Variants in ZNF527 observed in about 807,000 individuals in gnomAD.
ZNF527 encodes the protein zinc finger protein 527.
In ZNF527, 5 loss-of-function variants were observed where a neutral mutation model predicts 13.5. The observed-to-expected ratio is 0.37, with a 90% CI of 0.19 to 0.78. The LOEUF is 0.78. Among genes scored for constraint, ZNF527 ranks in the 30% least tolerant of loss-of-function variants. The probability of loss-of-function intolerance (pLI) is 0.48; values close to 1 mark genes in which losing one functional copy is unlikely to be tolerated. For missense variants in ZNF527, 628 were observed against 726.4 expected (o/e 0.86, Z 1.56); for synonymous variants, 209 against 243.1 (o/e 0.86, Z 1.30).
At chr19:37,377,359 T>G (rs1210685270) in intron 2 of ZNF527, among the ~76,000 whole-genome samples, 1 of 152,048 alleles carries the variant, frequency 6.6e-6, no homozygotes, top group South Asian at 2.1e-4. Flanking sequence ...TAAGTACATA[T>G]GGTGGCTGGA....
chr19:37,378,397 C>T (rs1312267460), intron 2 of ZNF527, among the ~76,000 whole-genome samples: 1 of 152,104 alleles, frequency 6.6e-6, no homozygotes, highest in Non-Finnish European at 1.5e-5. Context: ...CATTTTTAAG[C>T]ACTGAATACT....
intron 4 of ZNF527, among the ~76,000 whole-genome samples, chr19:37,386,285 A>G (rs1226799440): frequency 6.6e-6 from 1 of 150,842 alleles, no homozygotes; most frequent in Non-Finnish European, 1.5e-5. Context: ...GGGATTATAG[A>G]TGTGAGCCAC....
chr19:37,372,511 C>T (rs2040567722), intron 1 of ZNF527, among the ~76,000 whole-genome samples: 1 of 109,418 alleles, frequency 9.1e-6, no homozygotes, highest in African/African-American at 3.8e-5. Context: ...CTTGCTCTGT[C>T]CTGTAGGCTA....
In ZNF527 at chr19:37,389,818, A is replaced by C; in HGVS notation, c.1769A>C (p.Asn590Thr). ...KPYKCNECGN[N>T]FSCVSALRRH... The stretch of plus-strand genomic sequence containing the variant: ...TATAAATGTAACGAATGTGGGAATA[A>C]TTTTAGCTGTGTCTCAGCCCTTAGA... Residue 590 changes from asparagine (N) to threonine (T), a missense_variant, in exon 5 of 5, where the codon AAT (asparagine) becomes ACT (threonine). This residue lies in a region of ZNF527 where 592 missense variants were observed against 678.0 expected (regional missense o/e 0.87). Transcript: ENST00000436120. 1 of 1,613,152 alleles carries C rather than the reference A, an allele frequency of 6.2e-7. No homozygotes were observed. Among genetic ancestry groups the C allele is most frequent in the Non-Finnish European group, 8.5e-7 (1 of 1,179,950 alleles).
In ZNF527 at chr19:37,392,041, A is replaced by G. The variant is rs1600275503; in HGVS notation, c.*2162A>G. 6.6e-6 allele frequency: 1 copy of G among 152,330 alleles called. No individual in the cohort carries two copies. Among genetic ancestry groups the G allele is most frequent in the East Asian group, 1.9e-4 (1 of 5,188 alleles). The allele number at this position is 152,330 out of a possible 1,614,324, so 9.4% of individuals were successfully genotyped here. ...TTATTTCTAATAAAATCTGAAAATT[A>G]TTTTTCATAAATATTCAAATTCCCT... On this transcript the variant is annotated 3_prime_UTR_variant, in exon 5 of 5. Transcript: ENST00000436120.
Position 37,389,779 on chromosome 19 carries a change from C to T in ZNF527, c.1730C>T (p.Ala577Val). The change falls in exon 5 of 5, where the codon GCT (alanine) becomes GTT (valine). Residue 577 changes from alanine (A) to valine (V), a missense_variant. Ala to Val is a moderately conservative substitution (Grantham distance 64). Around this residue, in one of 3 missense-constraint regions of ZNF527, gnomAD observed 592 missense variants for 678.0 expected, o/e 0.87. Coordinates refer to ENST00000436120, the MANE Select transcript of ZNF527 (RefSeq NM_032453.2). Reference protein sequence around the residue: ...LSLRLHQRIHAGEKPYKCNEC... With the variant: ...LSLRLHQRIHVGEKPYKCNEC... ...CTAAGACTACACCAGAGAATTCACG[C>T]TGGAGAAAAACCTTATAAATGTAAC... 6.2e-7 allele frequency: 1 copy of T among 1,613,622 alleles called. No homozygotes were observed. The highest frequency in any genetic ancestry group is 8.5e-7 in the Non-Finnish European group (1 of 1,180,018).
chr19:37,384,647 C>T (rs980901315), intron 4 of ZNF527, among the ~76,000 whole-genome samples: 3 of 152,184 alleles, frequency 2.0e-5, no homozygotes, highest in Non-Finnish European at 4.4e-5. Context: ...CTGAGAATGG[C>T]ATTTCCTTCC....
At chr19:37,374,270 C>A in intron 2 of ZNF527, 39 bp downstream of exon 2, 1 of 1,611,338 alleles carries the variant, frequency 6.2e-7, no homozygotes, top group South Asian at 1.1e-5. Flanking sequence ...GACATTTGAC[C>A]TCATTTTTCA....
Position 37,379,122 on chromosome 19 carries a change from G to T in ZNF527, c.36G>T (p.Gly12=). 2.5e-6 allele frequency: 4 copies of T among 1,614,032 alleles called. No individual in the cohort carries two copies. Among genetic ancestry groups the T allele is most frequent in the Non-Finnish European group, 3.4e-6 (4 of 1,179,996 alleles). ...GAACAAGAATTTTTTTATTTCAGGG[G>T]TTGGTGACCTTCAGAGATGTGGCGC... ...AVGLCKAMSQ[G]LVTFRDVALD... Residue 12 remains glycine (G), a splice_region_variant and synonymous_variant, in exon 3 of 5, where the codon GGG becomes GGT. Transcript: ENST00000436120.
intron 1 of ZNF527, among the ~76,000 whole-genome samples, chr19:37,371,582 G>A (rs950279800): frequency 1.1e-4 from 17 of 152,190 alleles, no homozygotes; most frequent in African/African-American, 3.9e-4. Context: ...GTGTGGTTAT[G>A]TGACCACCTG....
intron 1 of ZNF527, among the ~76,000 whole-genome samples, chr19:37,373,780 T>G (rs4803229): frequency 0.27 from 41,568 of 151,922 alleles, 7,153 homozygotes; most frequent in African/African-American, 0.48. Context: ...GAAGGAAAAG[T>G]CCACAACCCT....
chr19:37,385,105 C>T, intron 4 of ZNF527: 1 of 469,408 alleles, frequency 2.1e-6, no homozygotes. Flanking sequence ...GGATTACTGG[C>T]ATACTTCCAC....
At chr19:37,375,581 G>A (rs1026138687) in intron 2 of ZNF527, among the ~76,000 whole-genome samples, 4 of 151,860 alleles carry the variant, frequency 2.6e-5, no homozygotes, top group Middle Eastern at 3.4e-3. Flanking sequence ...AGATGGTCTT[G>A]ATCTCCTGAC....
In ZNF527 at chr19:37,384,845, T is replaced by C. The variant is rs748795940; in HGVS notation, c.257-3461T>C. 8 of 669,138 alleles carry C rather than the reference T, an allele frequency of 1.2e-5. 1 individual carries two copies. In the South Asian group the frequency reaches 1.3e-4, roughly 10 times the overall value. 41.5% of individuals were successfully genotyped at this position (669,138 alleles called of 1,614,324 possible). A position where few individuals can be genotyped will look rare whatever the true frequency, so the allele number is the denominator to read the frequency against. ...CTGTGAATTACCTGCTCATACATTT[T>C]TTTGTTTTGTTTTTTGAGACAGGTT... On this transcript the variant is annotated intron_variant, in intron 4 of 4. Coordinates refer to ENST00000436120, the MANE Select transcript of ZNF527 (RefSeq NM_032453.2).
intron 4 of ZNF527, chr19:37,385,064 G>A (rs912144371): frequency 1.1e-5 from 6 of 569,620 alleles, no homozygotes; most frequent in African/African-American, 1.8e-5. Context: ...GGGCTCAAGC[G>A]ATCCTCCCAT....
intron 4 of ZNF527, among the ~76,000 whole-genome samples, chr19:37,383,731 G>C (rs1203859973): frequency 1.3e-5 from 2 of 151,716 alleles, no homozygotes; most frequent in East Asian, 3.9e-4. Flanking sequence ...TAGAGACCGG[G>C]TTTCACCATA....
chr19:37,389,361 G>A lies in ZNF527; in HGVS notation c.1312G>A (p.Gly438Arg), dbSNP rs1273023268. 12 of 1,614,068 alleles carry A rather than the reference G, an allele frequency of 7.4e-6. No individual in the cohort carries two copies. Among genetic ancestry groups the A allele is most frequent in the Non-Finnish European group, 1.0e-5 (12 of 1,180,042 alleles). The change falls in exon 5 of 5, where the codon GGA becomes AGA. Residue 438 changes from glycine (G) to arginine (R), a missense_variant. Transcript: ENST00000436120. ...ALTLHQRIHT[G>R]EKPFKCSECG... ...TACTCTACATCAAAGAATTCACACAGGAGAGAAACCCTTCAAATGTAGTGA... is the reference window on the plus strand; with the variant it reads ...TACTCTACATCAAAGAATTCACACAAGAGAGAAACCCTTCAAATGTAGTGA...
chr19:37,382,675 C>T (rs2146815451), intron 4 of ZNF527, among the ~76,000 whole-genome samples: 1 of 152,178 alleles, frequency 6.6e-6, no homozygotes, highest in African/African-American at 2.4e-5. Flanking sequence ...AATACTATTT[C>T]CAAAATTACT....
chr19:37,374,028 G>A lies in ZNF527; in HGVS notation c.-41-130G>A, dbSNP rs202224938. The A allele has an allele frequency of 4.8e-5, 31 of 646,118 alleles. No individual in the cohort carries two copies. The South Asian group carries it at 5.1e-4, about 11-fold the overall frequency. The allele number at this position is 646,118 out of a possible 1,614,324, so 40.0% of individuals were successfully genotyped here. On this transcript the variant is annotated intron_variant, in intron 1 of 4. Coordinates refer to ENST00000436120, the MANE Select transcript of ZNF527 (RefSeq NM_032453.2). ...GCATTGGATTCCACCCCGCCACCCT[G>A]GCCAGATCTTGGAAAAGGTGAGGCT...
Sources: allele counts gnomAD v4.1 joint callset (sites outside exome capture counted in the v4.1 genomes callset), GRCh38; gene constraint gnomAD v4.1.1; regional missense constraint gnomAD v4.1.1; transcripts MANE v1.5; gene names NCBI Gene and HGNC (gene_info 2026-07-23, HGNC 2026-07-21).